The following CPEB3 variants were observed in gnomAD, a reference collection of about 807,000 sequenced individuals.
The protein encoded by CPEB3 is cytoplasmic polyadenylation element binding protein 3.
CPEB3 carries 20 observed loss-of-function variants against 67.2 expected under a neutral mutation model. The observed-to-expected ratio is 0.30, with a 90% confidence interval of 0.21 to 0.43. The LOEUF is 0.43. CPEB3 is among the 20% of genes least tolerant of loss of function. The pLI is 1.00. For missense variants in CPEB3, 746 were observed against 968.6 expected, an observed-to-expected ratio of 0.77 and a Z score of 3.05; for synonymous variants, 376 against 393.1, an observed-to-expected ratio of 0.96 and a Z score of 0.51.
At chr10:92,257,100 A>G (rs1852548037) in intron 1 of CPEB3, among the ~76,000 whole-genome samples, 3 of 152,252 alleles carry the variant, frequency 2.0e-5, no homozygotes, top group Non-Finnish European at 4.4e-5. Flanking sequence ...TATGCTTAAT[A>G]ATACAAAGTT....
At chr10:92,261,560 G>T (rs1440329794) in intron 1 of CPEB3, among the ~76,000 whole-genome samples, 1 of 152,084 alleles carries the variant, frequency 6.6e-6, no homozygotes, top group Non-Finnish European at 1.5e-5. Context: ...GAATTCTTCT[G>T]CCTCAGCCTC....
At chr10:92,153,510 G>A (rs1292528345) in intron 4 of CPEB3, among the ~76,000 whole-genome samples, 1 of 152,042 alleles carries the variant, frequency 6.6e-6, no homozygotes, top group East Asian at 1.9e-4. Context: ...CATGGGCTGG[G>A]TGCAGTGGCT....
chr10:92,229,211 T>G (rs566798853), intron 2 of CPEB3, among the ~76,000 whole-genome samples: 1 of 152,116 alleles, frequency 6.6e-6, no homozygotes, highest in East Asian at 1.9e-4. Flanking sequence ...TTTTTAATTT[T>G]TTTATAGAGA....
rs781692543 is a variant in CPEB3, at chr10:92,099,858, CA to C, written c.1573-7915del. 2.7e-4 allele frequency among the ~76,000 whole-genome samples: 33 copies of C among 120,698 alleles called. No homozygotes were observed. The East Asian group carries it at 5.3e-3, about 19-fold the overall frequency. 79.2% of individuals were successfully genotyped at this position (120,698 alleles called of 152,430 possible). ...CAGCCTGGGCAGTGAAACTCCGTCTCAAAAAAAAAAGAAGCATTTCTGGCCA... is the reference window on the plus strand; with the variant it reads ...CAGCCTGGGCAGTGAAACTCCGTCTCAAAAAAAAAGAAGCATTTCTGGCCA... On this transcript the variant is annotated intron_variant, in intron 7 of 9. Transcript: ENST00000265997.
chr10:92,136,120 C>A (rs1412599464), intron 6 of CPEB3, among the ~76,000 whole-genome samples: 1 of 151,820 alleles, frequency 6.6e-6, no homozygotes. Context: ...TGTAACAAAC[C>A]TTCACATTAT....
intron 1 of CPEB3, among the ~76,000 whole-genome samples, chr10:92,252,931 C>T (rs1564910165): frequency 6.7e-6 from 1 of 148,928 alleles, no homozygotes; most frequent in African/African-American, 2.5e-5. Flanking sequence ...CTTAAAGTTC[C>T]TTTTTTTTTT....
chr10:92,216,467 A>C, intron 2 of CPEB3: 1 of 1,612,934 alleles, frequency 6.2e-7, no homozygotes. Flanking sequence ...CCTCAAGCGG[A>C]AGCTCTACAA....
chr10:92,134,584 C>A (rs1031379196), intron 6 of CPEB3, among the ~76,000 whole-genome samples: 5 of 151,950 alleles, frequency 3.3e-5, no homozygotes, highest in African/African-American at 4.8e-5. Context: ...AATGGCCATA[C>A]TGCCCAAGGT....
chr10:92,218,178 G>A (rs1161426955), intron 2 of CPEB3, among the ~76,000 whole-genome samples: 1 of 151,898 alleles, frequency 6.6e-6, no homozygotes, highest in Non-Finnish European at 1.5e-5. Context: ...GGAGGCCGAG[G>A]TGGGCAGATC....
intron 3 of CPEB3, 88 bp downstream of exon 3, chr10:92,192,387 CAA>C: frequency 7.6e-7 from 1 of 1,318,902 alleles, no homozygotes; most frequent in Non-Finnish European, 1.0e-6. Flanking sequence ...AACAAGCAAA[CAA>C]AAAACAAACC....
At chr10:92,150,609 T>C (rs895592271) in intron 4 of CPEB3, among the ~76,000 whole-genome samples, 5 of 152,196 alleles carry the variant, frequency 3.3e-5, no homozygotes, top group Non-Finnish European at 7.4e-5. Flanking sequence ...CATAAATCCA[T>C]CTCCAAAACA....
chr10:92,098,148 T>C lies in CPEB3; in HGVS notation c.1573-6204A>G, dbSNP rs1395780726. ...TGCACTCCATCCTGGGCAACAAGAG[T>C]GACACTCTGCCTAAAAAAAAAAAAA... On this transcript the variant is annotated intron_variant, in intron 7 of 9. Coordinates refer to ENST00000265997, the MANE Select transcript of CPEB3 (RefSeq NM_014912.5). Among the ~76,000 whole-genome samples the C allele has an allele frequency of 1.2e-4, 11 of 92,716 alleles. No homozygotes were observed. The South Asian group carries it at 4.7e-3, about 39-fold the overall frequency. 60.8% of individuals were successfully genotyped at this position (92,716 alleles called of 152,430 possible).
At chr10:92,066,819 C>T (rs1411977435) in intron 9 of CPEB3, among the ~76,000 whole-genome samples, 1 of 151,992 alleles carries the variant, frequency 6.6e-6, no homozygotes, top group Non-Finnish European at 1.5e-5. Context: ...CCGAAGCGGG[C>T]GGATCACTTG....
At chr10:92,220,880 C>T (rs1850668004) in intron 2 of CPEB3, among the ~76,000 whole-genome samples, 1 of 152,200 alleles carries the variant, frequency 6.6e-6, no homozygotes, top group African/African-American at 2.4e-5. Flanking sequence ...GAAAACCGTA[C>T]ATAATCTACA....
rs1215411395 is a variant in CPEB3, at chr10:92,240,038, G to A, written c.313C>T (p.Pro105Ser). Reference sequence around the variant, plus strand: ...GTGGACCAGGTGCTGCCGAAGGACGGCGACAGCGACGCGCCCGGTGCCGCG... The same window carrying A: ...GTGGACCAGGTGCTGCCGAAGGACGACGACAGCGACGCGCCCGGTGCCGCG... Reference protein sequence around the residue: ...EPAAPGASLSPSFGSTWSTGT... With the variant: ...EPAAPGASLSSSFGSTWSTGT... The change falls in exon 2 of 10, where the codon CCG becomes TCG. Residue 105 changes from proline to serine, a missense_variant. This residue lies in a region of CPEB3 where 643 missense variants were observed against 717.5 expected (regional missense o/e 0.90). Transcript: ENST00000265997. 1.2e-6 allele frequency: 2 copies of A among 1,601,500 alleles called. No homozygotes were observed. Among genetic ancestry groups the A allele is most frequent in the Middle Eastern group, 1.6e-4 (1 of 6,074 alleles).
intron 2 of CPEB3, among the ~76,000 whole-genome samples, chr10:92,235,262 A>G (rs1851472121): frequency 6.6e-6 from 1 of 152,184 alleles, no homozygotes. Flanking sequence ...CCTGACTAAT[A>G]GGGCGAAATT....
chr10:92,068,514 C>T (rs1842638750), intron 9 of CPEB3, among the ~76,000 whole-genome samples: 2 of 152,158 alleles, frequency 1.3e-5, no homozygotes, highest in African/African-American at 4.8e-5. Flanking sequence ...TTACTTCTAA[C>T]ACCTGACTTC....
At chr10:92,177,810 T>C (rs1178293018) in intron 4 of CPEB3, among the ~76,000 whole-genome samples, 1 of 152,188 alleles carries the variant, frequency 6.6e-6, no homozygotes, top group African/African-American at 2.4e-5. Context: ...GACATCTATC[T>C]TTCCCATAAA....
chr10:92,239,725 G>A lies in CPEB3; in HGVS notation c.626C>T (p.Ala209Val), dbSNP rs762864283. 28 of 1,530,944 alleles carry A rather than the reference G, an allele frequency of 1.8e-5. 1 individual carries two copies. Among genetic ancestry groups the A allele is most frequent in the South Asian group, 1.5e-4 (12 of 80,512 alleles). 94.8% of individuals were successfully genotyped at this position (1,530,944 alleles called of 1,614,324 possible). A position where few individuals can be genotyped will look rare whatever the true frequency, so the allele number is the denominator to read the frequency against. ...APYAQRSAAA[A>V]YGHQPIMTSK... is the part of the protein sequence containing the mutation. Reference sequence around the variant, plus strand: ...GGTCATGATGGGCTGGTGGCCGTACGCCGCGGCGGCGCTCCTCTGCGCGTA... The same window carrying A: ...GGTCATGATGGGCTGGTGGCCGTACACCGCGGCGGCGCTCCTCTGCGCGTA... The change falls in exon 2 of 10, where the codon GCG becomes GTG. Residue 209 changes from alanine to valine, a missense_variant. Ala to Val is a moderately conservative substitution (Grantham distance 64). Coordinates refer to ENST00000265997, the MANE Select transcript of CPEB3 (RefSeq NM_014912.5). The surrounding 1 kb of genome is among the most constrained non-coding windows in gnomAD (Gnocchi z 6.0).
Sources: allele counts gnomAD v4.1 joint callset (sites outside exome capture counted in the v4.1 genomes callset), GRCh38; gene constraint gnomAD v4.1.1; regional missense constraint gnomAD v4.1.1; non-coding constraint Gnocchi (gnomAD v3.1); transcripts MANE v1.5; gene names NCBI Gene and HGNC (gene_info 2026-07-23, HGNC 2026-07-21).